CMSS1: variants seen among roughly 807,000 people sequenced by gnomAD.
The protein encoded by CMSS1 is cms1 ribosomal small subunit homolog, also known as protein CMSS1.
CMSS1 carries 33 observed loss-of-function variants against 43.5 expected under a neutral mutation model. That is an observed-to-expected ratio of 0.76 (90% confidence interval 0.57 to 1.01). The LOEUF is 1.01. Ranked by LOEUF, CMSS1 falls within the 50% of genes least tolerant of loss-of-function variation. CMSS1 has a pLI of 0.00. For missense variants in CMSS1, 313 were observed against 326.4 expected, an observed-to-expected ratio of 0.96 and a Z score of 0.32; for synonymous variants, 115 against 117.2, an observed-to-expected ratio of 0.98 and a Z score of 0.12.
intron 1 of CMSS1, among the ~76,000 whole-genome samples, chr3:99,891,957 T>C (rs1164080061): frequency 6.6e-6 from 1 of 152,208 alleles, no homozygotes; most frequent in East Asian, 1.9e-4. Flanking sequence ...CTAACACTTA[T>C]TAGTTAAATT....
chr3:100,133,597 A>G (rs906265767), intron 1 of CMSS1, among the ~76,000 whole-genome samples: 6 of 152,216 alleles, frequency 3.9e-5, no homozygotes, highest in Non-Finnish European at 5.9e-5. Flanking sequence ...TGATAAACCA[A>G]ATCTTATTTT....
chr3:99,997,444 C>T (rs1352608019), intron 1 of CMSS1, among the ~76,000 whole-genome samples: 2 of 152,142 alleles, frequency 1.3e-5, no homozygotes, highest in Admixed American at 1.3e-4. Flanking sequence ...GTGACAAATC[C>T]AGATTTTGAG....
intron 1 of CMSS1, among the ~76,000 whole-genome samples, chr3:100,083,183 A>G (rs951158476): frequency 1.3e-5 from 2 of 152,210 alleles, no homozygotes; most frequent in East Asian, 3.8e-4. Flanking sequence ...ATGCTTCAGG[A>G]TATTCAACAT....
chr3:99,905,913 C>A (rs1166213135), intron 1 of CMSS1, among the ~76,000 whole-genome samples: 1 of 152,166 alleles, frequency 6.6e-6, no homozygotes, highest in African/African-American at 2.4e-5. Flanking sequence ...GCCTTTCTGG[C>A]CAGGCGCAGT....
intron 1 of CMSS1, among the ~76,000 whole-genome samples, chr3:99,984,351 A>G (rs992965352): frequency 2.0e-5 from 3 of 152,160 alleles, no homozygotes; most frequent in South Asian, 2.1e-4. Context: ...CACATAATAT[A>G]TTTTTAGGAT....
At chr3:100,177,643 A>G (rs74687019) in intron 9 of CMSS1, among the ~76,000 whole-genome samples, 1 of 152,328 alleles carries the variant, frequency 6.6e-6, no homozygotes, top group African/African-American at 2.4e-5. Flanking sequence ...GGGCACTTTA[A>G]TGAAACTAAT....
intron 1 of CMSS1, among the ~76,000 whole-genome samples, chr3:100,016,643 G>A (rs576184468): frequency 1.3e-5 from 2 of 152,170 alleles, no homozygotes. Context: ...ATATAAAATA[G>A]GAGTACACTA....
At chr3:99,982,162 G>T (rs1429155025) in intron 1 of CMSS1, among the ~76,000 whole-genome samples, 1 of 151,864 alleles carries the variant, frequency 6.6e-6, no homozygotes, top group African/African-American at 2.4e-5. Context: ...ATATATTTCG[G>T]TATATGTATT....
At chr3:99,824,245 T>C (rs1942495165) in intron 1 of CMSS1, among the ~76,000 whole-genome samples, 1 of 152,140 alleles carries the variant, frequency 6.6e-6, no homozygotes, top group Admixed American at 6.6e-5. Flanking sequence ...TAACATTAAG[T>C]ACTCAGTTCA....
At chr3:99,904,057 A>G (rs1033653913) in intron 1 of CMSS1, among the ~76,000 whole-genome samples, 3 of 152,220 alleles carry the variant, frequency 2.0e-5, no homozygotes, top group African/African-American at 7.2e-5. Flanking sequence ...CCTATTTCAG[A>G]ATCTGATTGG....
Position 99,912,172 on chromosome 3 carries a change from G to A in CMSS1, c.64+94129G>A, listed in dbSNP as rs184826675. Among the ~76,000 whole-genome samples, 578 of 152,264 alleles carry A rather than the reference G, an allele frequency of 3.8e-3. 3 individuals carry two copies. The highest frequency in any genetic ancestry group is 0.013 in the African/African-American group (548 of 41,554). ...GTTTTATTCAGCCATAAAAAGGAAT[G>A]AAGTATACTGATACATGTTACAACA... is the stretch of plus-strand genomic sequence containing the variant. On this transcript the variant is annotated intron_variant, in intron 1 of 9. Coordinates refer to ENST00000421999, the MANE Select transcript of CMSS1 (RefSeq NM_032359.4).
chr3:100,115,557 TTCTCTC>T (rs1444990340), intron 1 of CMSS1, among the ~76,000 whole-genome samples: 3 of 75,196 alleles, frequency 4.0e-5, no homozygotes, highest in Non-Finnish European at 9.4e-5. Flanking sequence ...CTCTTTCTCT[TTCTCTC>T]TCTCTCTCTC....
intron 1 of CMSS1, among the ~76,000 whole-genome samples, chr3:99,864,634 C>G (rs1271115534): frequency 1.3e-5 from 2 of 152,044 alleles, no homozygotes; most frequent in South Asian, 4.2e-4. Flanking sequence ...TTCATTTGTT[C>G]ATTCCCATGC....
chr3:99,908,990 T>A (rs1706708833), intron 1 of CMSS1, among the ~76,000 whole-genome samples: 1 of 152,210 alleles, frequency 6.6e-6, no homozygotes, highest in African/African-American at 2.4e-5. Context: ...AATTTACCAG[T>A]TAACAACTCT....
At chr3:100,151,050 C>G (rs1377781027) in intron 2 of CMSS1, among the ~76,000 whole-genome samples, 1 of 152,154 alleles carries the variant, frequency 6.6e-6, no homozygotes. Flanking sequence ...CCTTTCCCTT[C>G]TTGCTCTCCT....
At chr3:99,939,227 A>G (rs991155231) in intron 1 of CMSS1, among the ~76,000 whole-genome samples, 1 of 152,210 alleles carries the variant, frequency 6.6e-6, no homozygotes, top group East Asian at 1.9e-4. Context: ...ATTTTCCATC[A>G]TCACCTGCTC....
chr3:99,917,641 A>G (rs562961231), intron 1 of CMSS1, among the ~76,000 whole-genome samples: 1 of 152,330 alleles, frequency 6.6e-6, no homozygotes, highest in South Asian at 2.1e-4. Flanking sequence ...GTTATCTGGT[A>G]GATTGATTCA....
chr3:99,892,782 A>G (rs537218515), intron 1 of CMSS1, among the ~76,000 whole-genome samples: 3 of 152,340 alleles, frequency 2.0e-5, no homozygotes, highest in African/African-American at 7.2e-5. Context: ...GCCAAAGGGA[A>G]AGAGAATGAC....
intron 1 of CMSS1, among the ~76,000 whole-genome samples, chr3:99,984,263 T>G (rs748961330): frequency 3.3e-5 from 5 of 152,220 alleles, no homozygotes; most frequent in Non-Finnish European, 5.9e-5. Context: ...GTATTTATTA[T>G]GTAGAGTGTC....
Sources: allele counts gnomAD v4.1 joint callset (sites outside exome capture counted in the v4.1 genomes callset), GRCh38; gene constraint gnomAD v4.1.1; transcripts MANE v1.5; gene names NCBI Gene and HGNC (gene_info 2026-07-23, HGNC 2026-07-21).